Variants in DLD observed in about 807,000 individuals in gnomAD.
The protein encoded by DLD is dihydrolipoyl dehydrogenase, mitochondrial.
Under a neutral mutation model 62.2 loss-of-function variants are expected in DLD, and 36 were observed. The ratio of observed to expected loss-of-function variants is 0.58; its 90% CI spans 0.44 to 0.76. The LOEUF is 0.76. Among genes scored for constraint, DLD ranks in the 30% least tolerant of loss-of-function variants. DLD has a pLI of 0.00. For synonymous variants in DLD, 204 were observed against 199.6 expected, an observed-to-expected ratio of 1.02 and a Z score of -0.19; for missense variants, 541 against 608.6, an observed-to-expected ratio of 0.89 and a Z score of 1.17.
chr7:107,917,215 G>C, intron 10 of DLD, 58 bp from the exon 11 acceptor site: 1 of 1,590,996 alleles, frequency 6.3e-7, no homozygotes, highest in Admixed American at 1.7e-5. Context: ...TAATGTAACT[G>C]AAGGTAAGTA....
intron 11 of DLD, among the ~76,000 whole-genome samples, 196 bp from the exon 12 acceptor site, chr7:107,917,728 A>C (rs936898229): frequency 6.6e-6 from 1 of 152,224 alleles, no homozygotes; most frequent in Middle Eastern, 3.2e-3. Context: ...CCAGATGGAC[A>C]GACATTTGTA....
At chr7:107,897,867 C>A (rs1365908042) in intron 2 of DLD, among the ~76,000 whole-genome samples, 2 of 152,140 alleles carry the variant, frequency 1.3e-5, no homozygotes, top group African/African-American at 4.8e-5. Context: ...AGACTGACTT[C>A]TTGAGATACA....
At chr7:107,894,036 T>C (rs756071711) in intron 2 of DLD, among the ~76,000 whole-genome samples, 6 of 152,242 alleles carry the variant, frequency 3.9e-5, no homozygotes, top group Non-Finnish European at 8.8e-5. Flanking sequence ...TTTTAAAGAT[T>C]AGCAGGATCT....
rs986976451 is a variant in DLD at position 107,915,626 on chromosome 7, G to C, written c.805G>C (p.Gly269Arg). Residue 269 changes from glycine to arginine, a missense_variant, in exon 9 of 14, where the codon GGG becomes CGG. Physicochemically the swap from Gly to Arg is moderately radical, Grantham distance 125 (BLOSUM62 -2). Coordinates refer to ENST00000205402, the MANE Select transcript of DLD (RefSeq NM_000108.5). ...KNFQRILQKQ[G>R]FKFKLNTKVT... ...CTTTCAACGCATCCTTCAAAAACAG[G>C]GGTTTAAATTTAAATTGAATACAAA... 19 of 1,613,500 alleles carry C rather than the reference G, an allele frequency of 1.2e-5. No homozygotes were observed. Among genetic ancestry groups the C allele is most frequent in the Non-Finnish European group, 1.6e-5 (19 of 1,179,842 alleles).
intron 8 of DLD, among the ~76,000 whole-genome samples, chr7:107,910,154 C>A (rs533001550): frequency 6.6e-6 from 1 of 152,104 alleles, no homozygotes; most frequent in Admixed American, 6.5e-5. Flanking sequence ...CACACCCAGC[C>A]GGGAATTAAC....
At chr7:107,902,480 A>AAT in intron 4 of DLD, 87 bp downstream of exon 4, 1 of 1,143,456 alleles carries the variant, frequency 8.7e-7, no homozygotes, top group East Asian at 2.4e-5. Flanking sequence ...AGACAAATAC[A>AAT]CTTGTTAAAA....
intron 7 of DLD, among the ~76,000 whole-genome samples, chr7:107,905,937 A>G (rs2031995836): frequency 1.3e-5 from 2 of 152,192 alleles, no homozygotes; most frequent in African/African-American, 4.8e-5. Flanking sequence ...CAAAACCCAC[A>G]GATGCTCAAG....
At chr7:107,901,899 A>G (rs1365409569) in intron 3 of DLD, 82 bp downstream of exon 3, 3 of 1,084,104 alleles carry the variant, frequency 2.8e-6, no homozygotes, top group Non-Finnish European at 2.9e-6. Context: ...TTTGCAGGCA[A>G]AAACATGGTA....
chr7:107,905,111 T>G (rs1294114857), intron 6 of DLD, 53 bp downstream of exon 6: 1 of 1,313,880 alleles, frequency 7.6e-7, no homozygotes, highest in Non-Finnish European at 1.1e-6. Context: ...AATTAAACTT[T>G]GCATTATAGA....
Position 107,905,519 on chromosome 7 carries a change from T to C in DLD, c.582+15T>C, listed in dbSNP as rs1416668565. 2 of 1,612,672 alleles carry C rather than the reference T, an allele frequency of 1.2e-6. No individual in the cohort carries two copies. Among genetic ancestry groups the C allele is most frequent in the South Asian group, 1.1e-5 (1 of 91,060 alleles). The stretch of plus-strand genomic sequence containing the variant: ...CTGGAATCACGGTATTTATGCTTCA[T>C]AATTTACAACCATTACAACTTTTCT... On this transcript the variant is annotated intron_variant, in intron 7 of 13. Transcript: ENST00000205402.
chr7:107,912,913 A>C (rs965177077), intron 8 of DLD, among the ~76,000 whole-genome samples: 2 of 152,146 alleles, frequency 1.3e-5, no homozygotes, highest in Non-Finnish European at 2.9e-5. Context: ...GTTTTCTTAC[A>C]GTAATTTCAT....
intron 8 of DLD, among the ~76,000 whole-genome samples, chr7:107,908,219 C>T (rs1291948008): frequency 4.0e-5 from 6 of 148,578 alleles, no homozygotes; most frequent in South Asian, 2.1e-4. Flanking sequence ...GGCGCGATCT[C>T]GGCTCACTGC....
At chr7:107,917,601 G>A in intron 11 of DLD, 139 bp downstream of exon 11, 2 of 956,576 alleles carry the variant, frequency 2.1e-6, no homozygotes, top group South Asian at 1.4e-5. Flanking sequence ...TTTTTCCCTT[G>A]TTAGCATTAT....
intron 2 of DLD, among the ~76,000 whole-genome samples, chr7:107,896,596 T>C (rs2031730562): frequency 1.3e-5 from 2 of 152,196 alleles, no homozygotes; most frequent in Non-Finnish European, 1.5e-5. Context: ...TTTCAGAGGC[T>C]GAACAGTTTT....
At chr7:107,911,011 A>G (rs945499350) in intron 8 of DLD, among the ~76,000 whole-genome samples, 4 of 152,174 alleles carry the variant, frequency 2.6e-5, no homozygotes, top group African/African-American at 4.8e-5. Flanking sequence ...TATAGTTCAC[A>G]TATCAGTTCA....
chr7:107,896,005 C>A (rs2031713587), intron 2 of DLD, among the ~76,000 whole-genome samples: 2 of 152,170 alleles, frequency 1.3e-5, no homozygotes. Context: ...GGTAGACCAG[C>A]ATAATTCTAT....
intron 12 of DLD, 121 bp from the exon 13 acceptor site, chr7:107,918,889 C>G: frequency 2.4e-6 from 2 of 841,212 alleles, no homozygotes; most frequent in South Asian, 2.9e-5. Context: ...TTTTCTTCAA[C>G]TGATAAAGAA....
chr7:107,911,670 G>A (rs2032146080), intron 8 of DLD, among the ~76,000 whole-genome samples: 1 of 151,616 alleles, frequency 6.6e-6, no homozygotes, highest in Admixed American at 6.6e-5. Context: ...TAGTGGTTGT[G>A]TAGTAGTAAC....
At position 107,915,922 on chromosome 7, in the gene DLD, T is replaced by G. The variant is rs77611523; in HGVS notation, c.875+226T>G. ...ATATTCTCATTGTTGTGCCTTCTTA[T>G]AGTACATTCAGAAAAATTTAAATTC... On this transcript the variant is annotated intron_variant, in intron 9 of 13. Transcript: ENST00000205402. Among the ~76,000 whole-genome samples, 1,390 of 152,276 alleles carry G rather than the reference T, an allele frequency of 9.1e-3. 18 individuals are homozygous for G. Among genetic ancestry groups the G allele is most frequent in the African/African-American group, 0.032 (1,316 of 41,566 alleles).
Sources: gnomAD v4.1 joint callset for allele counts (sites outside exome capture counted in the v4.1 genomes callset) on GRCh38, gnomAD v4.1.1 for gene constraint, MANE v1.5 for transcripts, NCBI Gene and HGNC (gene_info 2026-07-23, HGNC 2026-07-21) for gene names.